ALPK3: variants seen among roughly 807,000 people sequenced by gnomAD.
ALPK3 encodes alpha-protein kinase 3.
In ALPK3, 102 loss-of-function variants were observed where a neutral mutation model predicts 140.0. The observed-to-expected ratio is 0.73, with a 90% confidence interval of 0.62 to 0.86. ALPK3 has a LOEUF of 0.86. ALPK3 is among the 40% of genes least tolerant of loss of function. ALPK3 has a pLI of 0.00. For synonymous variants in ALPK3, 938 were observed against 898.5 expected (o/e 1.04, Z -0.79); for missense variants, 2,254 against 2,208.2 (o/e 1.02, Z -0.42).
At position 84,857,349 on chromosome 15, in the gene ALPK3, C is replaced by T. The variant is rs1439652574; in HGVS notation, c.2611C>T (p.Pro871Ser). The part of the protein sequence containing the change: ...SQEVPTMPSL[P>S]GTGLTASPKA... ...GGAGGTACCCACGATGCCTTCTCTT[C>T]CTGGAACTGGGCTGACAGCTAGCCC... Residue 871 changes from proline to serine, a missense_variant, in exon 6 of 14, where the codon CCT becomes TCT. Physicochemically the swap from Pro to Ser is moderately conservative, Grantham distance 74. Around this residue, in one of 3 missense-constraint regions of ALPK3, gnomAD observed 2,088 missense variants for 2,022.9 expected, o/e 1.03. Coordinates refer to ENST00000258888, the MANE Select transcript of ALPK3 (RefSeq NM_020778.5). 1 of 1,614,160 alleles carries T rather than the reference C, an allele frequency of 6.2e-7. No homozygotes were observed. The highest frequency in any genetic ancestry group is 8.5e-7 in the Non-Finnish European group (1 of 1,180,018).
chr15:84,831,057 G>A (rs1322026384), intron 3 of ALPK3, among the ~76,000 whole-genome samples: 3 of 152,120 alleles, frequency 2.0e-5, no homozygotes, highest in South Asian at 2.1e-4. Flanking sequence ...ATTTGGCTGG[G>A]TATAGAATTA....
At chr15:84,867,179 C>T in intron 12 of ALPK3, 138 bp from the exon 13 acceptor site, 1 of 596,056 alleles carries the variant, frequency 1.7e-6, no homozygotes, top group South Asian at 2.0e-5. Context: ...TGATGCCAGC[C>T]TGGGCTGGTT....
At chr15:84,859,925 G>T in intron 8 of ALPK3, 22 bp downstream of exon 8, 4 of 1,613,908 alleles carry the variant, frequency 2.5e-6, no homozygotes, top group Non-Finnish European at 3.4e-6. Flanking sequence ...CCGCGGCCCG[G>T]GGTCTCAGCC....
At chr15:84,819,295 A>G (rs1052613118) in intron 1 of ALPK3, among the ~76,000 whole-genome samples, 2 of 152,360 alleles carry the variant, frequency 1.3e-5, no homozygotes, top group Admixed American at 6.5e-5. Context: ...AGTCTCTTTC[A>G]TCAAGTATCT....
At chr15:84,818,344 AT>A (rs1963385693) in intron 1 of ALPK3, among the ~76,000 whole-genome samples, 1 of 152,238 alleles carries the variant, frequency 6.6e-6, no homozygotes, top group African/African-American at 2.4e-5. Context: ...ACCCACAGAT[AT>A]AAAGACACAA....
In ALPK3 at chr15:84,858,381, C is replaced by G; in HGVS notation, c.3643C>G (p.Pro1215Ala). 1 of 1,554,182 alleles carries G rather than the reference C, an allele frequency of 6.4e-7. No homozygotes were observed. Among genetic ancestry groups the G allele is most frequent in the Non-Finnish European group, 8.7e-7 (1 of 1,150,540 alleles). ...PGTPGRERRS[P>A]TQGRKASMLE... is the part of the protein sequence containing the mutation. ...GACTCCAGGGCGGGAGAGACGCTCC[C>G]CTACGCAGGGCAGAAAGGCGAGCAT... is the stretch of plus-strand genomic sequence containing the variant. The change falls in exon 6 of 14, where the codon CCT becomes GCT. Residue 1215 changes from proline (P) to alanine (A), a missense_variant. Around this residue, in one of 3 missense-constraint regions of ALPK3, gnomAD observed 2,088 missense variants for 2,022.9 expected, o/e 1.03. Coordinates refer to ENST00000258888, the MANE Select transcript of ALPK3 (RefSeq NM_020778.5).
rs1964044821 is a variant in ALPK3 at position 84,869,552 on chromosome 15, T to C, written c.*1096T>C. ...GCACTTGGGTGGAGGGGAGTCTCTG[T>C]GCCTGGGAATTAGGACCCCTGCTCC... On this transcript the variant is annotated 3_prime_UTR_variant, in exon 14 of 14. Coordinates refer to ENST00000258888, the MANE Select transcript of ALPK3 (RefSeq NM_020778.5). The C allele has an allele frequency of 6.6e-6, 1 of 152,266 alleles. No individual in the cohort carries two copies. Among genetic ancestry groups the C allele is most frequent in the Non-Finnish European group, 1.5e-5 (1 of 68,114 alleles). 9.4% of individuals were successfully genotyped at this position (152,266 alleles called of 1,614,324 possible). A position where few individuals can be genotyped will look rare whatever the true frequency, so the allele number is the denominator to read the frequency against.
In ALPK3 at chr15:84,839,777, C is replaced by T. The variant is rs149126901; in HGVS notation, c.498C>T (p.Val166=). Residue 166 remains valine (V), a synonymous_variant, in exon 5 of 14, where the codon GTC becomes GTT. Coordinates refer to ENST00000258888, the MANE Select transcript of ALPK3 (RefSeq NM_020778.5). ...NSKGIVSCSG[V]LEVGTMTEYK... is the part of the protein sequence containing the mutation. ...AGGGCATTGTGTCCTGCTCAGGGGT[C>T]CTGGAGGTGGGCACCATGACTGAGT... is the stretch of plus-strand genomic sequence containing the variant. 3 of 1,614,002 alleles carry T rather than the reference C, an allele frequency of 1.9e-6. No individual in the cohort carries two copies. The highest frequency in any genetic ancestry group is 2.2e-5 in the East Asian group (1 of 44,882).
chr15:84,868,084 C>T (rs767856691), intron 13 of ALPK3, 27 bp from the exon 14 acceptor site: 2 of 1,591,020 alleles, frequency 1.3e-6, no homozygotes, highest in Admixed American at 1.7e-5. Context: ...TTGGGACCCC[C>T]ACTCAGCTCT....
At chr15:84,846,142 C>T (rs1172763398) in intron 5 of ALPK3, among the ~76,000 whole-genome samples, 1 of 152,164 alleles carries the variant, frequency 6.6e-6, no homozygotes, top group African/African-American at 2.4e-5. Flanking sequence ...GAGATTGAAA[C>T]TATAACCTCA....
chr15:84,857,583 C>G lies in ALPK3; in HGVS notation c.2845C>G (p.Pro949Ala), dbSNP rs1204323600. ...AGATGTGGAGGGGCGGACCCCAGGTCCCCGGAGCTGTGACCCTGGCCTCAT... is the reference window on the plus strand; with the variant it reads ...AGATGTGGAGGGGCGGACCCCAGGTGCCCGGAGCTGTGACCCTGGCCTCAT... ...VPDVEGRTPG[P>A]RSCDPGLIDS... Residue 949 changes from proline (P) to alanine (A), a missense_variant, in exon 6 of 14, where the codon CCC becomes GCC. Around this residue, in one of 3 missense-constraint regions of ALPK3, gnomAD observed 2,088 missense variants for 2,022.9 expected, o/e 1.03. Transcript: ENST00000258888. 3 of 1,573,192 alleles carry G rather than the reference C, an allele frequency of 1.9e-6. No individual in the cohort carries two copies. Among genetic ancestry groups the G allele is most frequent in the Non-Finnish European group, 2.6e-6 (3 of 1,158,264 alleles).
chr15:84,824,219 C>T (rs1367490639), intron 2 of ALPK3, among the ~76,000 whole-genome samples: 6 of 152,318 alleles, frequency 3.9e-5, no homozygotes, highest in South Asian at 2.1e-4. Flanking sequence ...GAGAATACCA[C>T]GTTAATGTAT....
Position 84,858,470 on chromosome 15 carries a change from C to A in ALPK3, c.3732C>A (p.Ala1244=). The A allele has an allele frequency of 1.3e-6, 2 of 1,572,012 alleles. No individual in the cohort carries two copies. Among genetic ancestry groups the A allele is most frequent in the Non-Finnish European group, 1.7e-6 (2 of 1,163,632 alleles). The change falls in exon 6 of 14, where the codon GCC becomes GCA. Residue 1244 remains alanine (A), a synonymous_variant. Coordinates refer to ENST00000258888, the MANE Select transcript of ALPK3 (RefSeq NM_020778.5). ...GAGACCTGGGCCCCAGCCCCAAGGC[C>A]GGCGGTCTGGACACAGAGGTGGCCC... ...AAGDLGPSPK[A]GGLDTEVALD... is the part of the protein sequence containing the mutation.
chr15:84,868,204 G>A lies in ALPK3; in HGVS notation c.4866G>A (p.Leu1622=). ...QCNAYCELLG[L]TPLKGPEAAH... ...ATGCCTACTGTGAGCTGCTGGGGCT[G>A]ACACCTCTCAAGGGCCCGGAGGCGG... The change falls in exon 14 of 14, where the codon CTG becomes CTA. Residue 1622 remains leucine (L), a synonymous_variant. Transcript: ENST00000258888. The A allele has an allele frequency of 6.2e-7, 1 of 1,614,158 alleles. No individual in the cohort carries two copies. The highest frequency in any genetic ancestry group is 1.1e-5 in the South Asian group (1 of 91,086).
In ALPK3 at chr15:84,868,686, G is replaced by A. The variant is rs1320511840; in HGVS notation, c.*230G>A. ...GGTGCCACTGTCACCCAGGGCTCCC[G>A]GGCCTCAAGCAGTCCCCACCTCCAA... On this transcript the variant is annotated 3_prime_UTR_variant, in exon 14 of 14. Transcript: ENST00000258888. 11 of 574,790 alleles carry A rather than the reference G, an allele frequency of 1.9e-5. No individual in the cohort carries two copies. The highest frequency in any genetic ancestry group is 1.5e-4 in the East Asian group (5 of 34,282). The allele number at this position is 574,790 out of a possible 1,614,324, so 35.6% of individuals were successfully genotyped here.
rs1567084924 is a variant in ALPK3, at chr15:84,817,510, G to A, written c.58G>A (p.Gly20Arg). 2 of 1,472,732 alleles carry A rather than the reference G, an allele frequency of 1.4e-6. No homozygotes were observed. Among genetic ancestry groups the A allele is most frequent in the Non-Finnish European group, 1.8e-6 (2 of 1,118,954 alleles). The allele number at this position is 1,472,732 out of a possible 1,614,324, so 91.2% of individuals were successfully genotyped here. A position where few individuals can be genotyped will look rare whatever the true frequency, so the allele number is the denominator to read the frequency against. ...GGGCGCGGGTGGGCGGTCGGGGGCG[G>A]GGGGCGACGGTGAGGACGACGGCCC... ...GWGAGGRSGA[G>R]GDGEDDGPVW... The change falls in exon 1 of 14, where the codon GGG becomes AGG. Residue 20 changes from glycine to arginine, a missense_variant. Physicochemically the swap from Gly to Arg is moderately radical, Grantham distance 125 (BLOSUM62 -2). Transcript: ENST00000258888.
At chr15:84,848,829 CAG>C (rs1413930931) in intron 5 of ALPK3, among the ~76,000 whole-genome samples, 2 of 152,068 alleles carry the variant, frequency 1.3e-5, no homozygotes, top group African/African-American at 4.8e-5. Flanking sequence ...TAATATCAGA[CAG>C]AGTAGATTTC....
Position 84,840,276 on chromosome 15 carries a change from G to C in ALPK3, c.997G>C (p.Glu333Gln). ...SKQGLRKPEL[E>Q]KAAQSRRSSE... is the part of the protein sequence containing the mutation. Reference sequence around the variant, plus strand: ...GCAAGGCCTGCGGAAGCCAGAGTTAGAGAAGGCAGCCCAAAGCCGCCGTTC... The same window carrying C: ...GCAAGGCCTGCGGAAGCCAGAGTTACAGAAGGCAGCCCAAAGCCGCCGTTC... The change falls in exon 5 of 14, where the codon GAG becomes CAG. Residue 333 changes from glutamate to glutamine, a missense_variant. By Grantham distance (29) the Glu-to-Gln change is conservative. This residue lies in a region of ALPK3 where 2,088 missense variants were observed against 2,022.9 expected (regional missense o/e 1.03). Transcript: ENST00000258888. 1.2e-6 allele frequency: 2 copies of C among 1,613,904 alleles called. No individual in the cohort carries two copies. The highest frequency in any genetic ancestry group is 1.7e-6 in the Non-Finnish European group (2 of 1,180,020).
chr15:84,827,487 C>A lies in ALPK3; in HGVS notation c.186C>A (p.Ser62Arg), dbSNP rs116058119. 3 of 1,614,162 alleles carry A rather than the reference C, an allele frequency of 1.9e-6. No homozygotes were observed. The Admixed American group carries it at 5.0e-5, about 27-fold the overall frequency. The change falls in exon 3 of 14, where the codon AGC becomes AGA. Residue 62 changes from serine to arginine, a missense_variant. Coordinates refer to ENST00000258888, the MANE Select transcript of ALPK3 (RefSeq NM_020778.5). The stretch of plus-strand genomic sequence containing the variant: ...AATAGCTCTTTGCCTCTCTTAGGAG[C>A]ACCTTCTGCTCCATCATTGCTCAGC... The part of the protein sequence containing the change: ...NRLSHPSSGR[S>R]TFCSIIAQLT...
Sources: gnomAD v4.1 joint callset for allele counts (sites outside exome capture counted in the v4.1 genomes callset) on GRCh38, gnomAD v4.1.1 for gene constraint, gnomAD v4.1.1 regional missense constraint, MANE v1.5 for transcripts, NCBI Gene and HGNC (gene_info 2026-07-23, HGNC 2026-07-21) for gene names.